Variants in PTPRD observed in about 807,000 individuals in gnomAD.
The protein encoded by PTPRD is receptor-type tyrosine-protein phosphatase delta.
In PTPRD, 34 loss-of-function variants were observed where a neutral mutation model predicts 214.5. The ratio of observed to expected loss-of-function variants is 0.16; its 90% CI spans 0.12 to 0.21. PTPRD has a LOEUF of 0.21. Among genes scored for constraint, PTPRD ranks in the 10% least tolerant of loss-of-function variants. PTPRD has a pLI of 1.00. For missense variants in PTPRD, 2,545 were observed against 2,398.7 expected (o/e 1.06, Z -1.27); for synonymous variants, 1,128 against 845.7 (o/e 1.33, Z -5.79).
intron 8 of PTPRD, among the ~76,000 whole-genome samples, chr9:9,535,000 A>AT (rs2076231828): frequency 6.6e-6 from 1 of 152,060 alleles, no homozygotes; most frequent in African/African-American, 2.4e-5. Flanking sequence ...TTACAGACTA[A>AT]ATGTAGACAG....
At chr9:9,465,602 T>C (rs1196498606) in intron 8 of PTPRD, among the ~76,000 whole-genome samples, 3 of 152,200 alleles carry the variant, frequency 2.0e-5, no homozygotes, top group Non-Finnish European at 4.4e-5. Flanking sequence ...TAGAGTTGAT[T>C]TCCAAATTCC....
chr9:8,389,732 CA>C (rs2088752704), intron 36 of PTPRD, among the ~76,000 whole-genome samples: 2 of 152,060 alleles, frequency 1.3e-5, no homozygotes, highest in South Asian at 4.1e-4. Flanking sequence ...GAACAATAAA[CA>C]ATCTGGTAAC....
At chr9:10,355,290 G>C (rs1339262269) in intron 2 of PTPRD, among the ~76,000 whole-genome samples, 2 of 151,984 alleles carry the variant, frequency 1.3e-5, no homozygotes, top group African/African-American at 2.4e-5. Flanking sequence ...AACTCAAAAT[G>C]CTATTTTTGG....
intron 12 of PTPRD, among the ~76,000 whole-genome samples, chr9:8,695,227 A>G (rs1192482568): frequency 6.6e-6 from 1 of 152,178 alleles, no homozygotes; most frequent in Non-Finnish European, 1.5e-5. Flanking sequence ...CAATCTTGTG[A>G]GTAAATAAAC....
chr9:9,941,410 C>T (rs1390534357), intron 4 of PTPRD, among the ~76,000 whole-genome samples: 1 of 152,160 alleles, frequency 6.6e-6, no homozygotes, highest in African/African-American at 2.4e-5. Flanking sequence ...GCAATTTCTG[C>T]CTCTTGGGTT....
intron 11 of PTPRD, among the ~76,000 whole-genome samples, chr9:8,777,257 T>C (rs2095524032): frequency 6.6e-6 from 1 of 152,098 alleles, no homozygotes; most frequent in Admixed American, 6.5e-5. Flanking sequence ...AAATTATCAT[T>C]TAAACTTTTT....
intron 2 of PTPRD, among the ~76,000 whole-genome samples, chr9:10,407,357 C>T (rs1323509): frequency 0.85 from 128,157 of 151,092 alleles, 54,500 homozygotes; most frequent in East Asian, 0.88. Context: ...AATATCTTTG[C>T]GAGAATATCC....
chr9:9,148,342 C>A (rs1470431), intron 10 of PTPRD, among the ~76,000 whole-genome samples: 86,176 of 151,952 alleles, frequency 0.57, 25,148 homozygotes, highest in African/African-American at 0.7. Flanking sequence ...TTGGTTTATA[C>A]AGAAGAAAAT....
intron 8 of PTPRD, among the ~76,000 whole-genome samples, chr9:9,560,015 C>T (rs913039391): frequency 6.6e-6 from 1 of 152,172 alleles, no homozygotes; most frequent in Non-Finnish European, 1.5e-5. Flanking sequence ...TTGTCCGGTG[C>T]CCCCTCAAGT....
chr9:9,862,966 C>T (rs1263928661), intron 5 of PTPRD, among the ~76,000 whole-genome samples: 1 of 152,082 alleles, frequency 6.6e-6, no homozygotes, highest in Non-Finnish European at 1.5e-5. Context: ...ACTTTTTCAA[C>T]CATTATTTCT....
At chr9:9,347,920 C>G (rs1332803) in intron 9 of PTPRD, among the ~76,000 whole-genome samples, 97,414 of 152,020 alleles carry the variant, frequency 0.64, 31,336 homozygotes, top group Middle Eastern at 0.71. Flanking sequence ...TTGCTTATGT[C>G]CTTTTCAGAC....
intron 9 of PTPRD, among the ~76,000 whole-genome samples, chr9:9,251,378 T>A (rs2131589046): frequency 6.6e-6 from 1 of 152,262 alleles, no homozygotes; most frequent in Non-Finnish European, 1.5e-5. Context: ...ATCTTCTATA[T>A]CCCTATACAT....
At chr9:8,428,666 A>G (rs766579150) in intron 35 of PTPRD, among the ~76,000 whole-genome samples, 2 of 152,030 alleles carry the variant, frequency 1.3e-5, no homozygotes, top group South Asian at 2.1e-4. Context: ...AAGTTGGCCA[A>G]AAAAAATTGT....
intron 10 of PTPRD, among the ~76,000 whole-genome samples, chr9:9,053,315 A>G (rs938979542): frequency 6.6e-6 from 1 of 152,138 alleles, no homozygotes; most frequent in Non-Finnish European, 1.5e-5. Context: ...TTAAGAAATA[A>G]TCATTAAAAA....
At chr9:9,731,017 A>C (rs952664220) in intron 7 of PTPRD, among the ~76,000 whole-genome samples, 6 of 152,178 alleles carry the variant, frequency 3.9e-5, no homozygotes. Flanking sequence ...AACTACACAC[A>C]CAGATACAAA....
chr9:9,517,097 A>C (rs2096856727), intron 8 of PTPRD, among the ~76,000 whole-genome samples: 1 of 152,100 alleles, frequency 6.6e-6, no homozygotes, highest in South Asian at 2.1e-4. Flanking sequence ...AGATATTAAC[A>C]CTAATTTTAA....
At chr9:9,215,387 A>G (rs2099951513) in intron 9 of PTPRD, among the ~76,000 whole-genome samples, 1 of 152,176 alleles carries the variant, frequency 6.6e-6, no homozygotes, top group South Asian at 2.1e-4. Context: ...TGAGTTCTGG[A>G]GAGAAAATAA....
At chr9:8,770,539 G>A (rs2095127412) in intron 11 of PTPRD, among the ~76,000 whole-genome samples, 1 of 152,080 alleles carries the variant, frequency 6.6e-6, no homozygotes, top group African/African-American at 2.4e-5. Flanking sequence ...ATTAGACAAT[G>A]GTGTAGTCAA....
chr9:8,970,917 A>ACAACAACAAC (rs35506188), intron 11 of PTPRD, among the ~76,000 whole-genome samples: 2 of 149,692 alleles, frequency 1.3e-5, no homozygotes, highest in African/African-American at 2.5e-5. Flanking sequence ...AAACAAAACA[A>ACAACAACAAC]AACAACAACA....
Sources: allele counts gnomAD v4.1 joint callset (sites outside exome capture counted in the v4.1 genomes callset), GRCh38; gene constraint gnomAD v4.1.1; transcripts MANE v1.5; gene names NCBI Gene and HGNC (gene_info 2026-07-23, HGNC 2026-07-21).